KCNN2: variants seen among roughly 807,000 people sequenced by gnomAD.
KCNN2 encodes potassium calcium-activated channel subfamily N member 2.
Under a neutral mutation model 55.5 loss-of-function variants are expected in KCNN2, and 24 were observed. The observed-to-expected ratio is 0.43, with a 90% CI of 0.31 to 0.61. The LOEUF (loss-of-function observed/expected upper bound fraction) is 0.61, where lower values mean the gene tolerates loss of function less well. Ranked by LOEUF, KCNN2 falls within the 20% of genes least tolerant of loss-of-function variation. The pLI is 0.08. For synonymous variants in KCNN2, 431 were observed against 336.1 expected (o/e 1.28, Z -3.09); for missense variants, 754 against 853.6 (o/e 0.88, Z 1.45).
chr5:114,204,745 G>A (rs1435180338), intron 1 of KCNN2, among the ~76,000 whole-genome samples: 3 of 152,154 alleles, frequency 2.0e-5, no homozygotes, highest in East Asian at 3.9e-4. Context: ...AGCCCATGTG[G>A]CTTTGTGGAG....
At chr5:114,485,412 C>A (rs1580917899) in intron 5 of KCNN2, among the ~76,000 whole-genome samples, 1 of 152,274 alleles carries the variant, frequency 6.6e-6, no homozygotes, top group Middle Eastern at 3.4e-3. Flanking sequence ...ACTTCCCACT[C>A]CTCTCTCCTT....
Position 114,177,666 on chromosome 5 carries a change from T to C in KCNN2, c.-270-43814T>C, listed in dbSNP as rs186744462. ...TTAATAAATATATTAACAATAATAA[T>C]AATTACAGCATTTTTATAGAGTACT... On this transcript the variant is annotated intron_variant, in intron 1 of 10. Transcript: ENST00000512097. Among the ~76,000 whole-genome samples the C allele has an allele frequency of 4.4e-3, 668 of 151,918 alleles. 17 individuals carry two copies. The highest frequency in any genetic ancestry group is 0.03 in the Admixed American group (462 of 15,254).
intron 3 of KCNN2, among the ~76,000 whole-genome samples, chr5:114,427,022 A>G (rs1469016249): frequency 1.3e-5 from 2 of 152,198 alleles, no homozygotes; most frequent in Non-Finnish European, 2.9e-5. Flanking sequence ...GAACTTTTTA[A>G]TGATGCCATC....
intron 2 of KCNN2, among the ~76,000 whole-genome samples, chr5:114,379,320 CTG>C: frequency 6.6e-6 from 1 of 151,876 alleles, no homozygotes; most frequent in East Asian, 1.9e-4. Flanking sequence ...CCTTTGCTCT[CTG>C]CTGACATTCT....
intron 1 of KCNN2, among the ~76,000 whole-genome samples, chr5:114,095,651 T>G (rs1751240028): frequency 6.6e-6 from 1 of 152,216 alleles, no homozygotes. Context: ...CTTAATTTTC[T>G]TATTTGCATT....
intron 1 of KCNN2, among the ~76,000 whole-genome samples, chr5:114,156,464 G>T (rs577488471): frequency 1.4e-4 from 22 of 152,216 alleles, no homozygotes; most frequent in Non-Finnish European, 2.5e-4. Flanking sequence ...TCTATAAACT[G>T]CTTTGGGAAA....
intron 2 of KCNN2, among the ~76,000 whole-genome samples, chr5:114,379,395 A>C (rs1758033966): frequency 6.7e-6 from 1 of 149,944 alleles, no homozygotes. Flanking sequence ...AATCTCATTT[A>C]TGAATATACT....
At chr5:114,328,958 C>T (rs1282197158) in intron 2 of KCNN2, among the ~76,000 whole-genome samples, 1 of 152,152 alleles carries the variant, frequency 6.6e-6, no homozygotes, top group African/African-American at 2.4e-5. Context: ...TAATTATGTT[C>T]CCACATCCCT....
At chr5:114,328,596 G>A (rs1027258418) in intron 2 of KCNN2, among the ~76,000 whole-genome samples, 12 of 152,116 alleles carry the variant, frequency 7.9e-5, no homozygotes, top group African/African-American at 2.2e-4. Context: ...TTTGAGTGAC[G>A]GTTGTTTATA....
chr5:114,233,026 T>C (rs112900718), intron 2 of KCNN2, among the ~76,000 whole-genome samples: 4,955 of 131,438 alleles, frequency 0.038, 535 homozygotes, highest in African/African-American at 0.14. Context: ...GTTCACGCCA[T>C]TCTCCTGCCT....
chr5:114,286,351 C>G (rs1561555506), intron 2 of KCNN2, among the ~76,000 whole-genome samples: 1 of 151,996 alleles, frequency 6.6e-6, no homozygotes, highest in Non-Finnish European at 1.5e-5. Flanking sequence ...AAAGGATGCT[C>G]AACATGTTAG....
chr5:114,097,144 G>C (rs1444807635), intron 1 of KCNN2, among the ~76,000 whole-genome samples: 2 of 152,200 alleles, frequency 1.3e-5, no homozygotes, highest in Non-Finnish European at 2.9e-5. Context: ...AGATTTGATA[G>C]ACATTGTTCG....
intron 2 of KCNN2, 101 bp from the exon 3 acceptor site, chr5:114,404,337 T>C: frequency 3.3e-6 from 3 of 896,482 alleles, no homozygotes; most frequent in Non-Finnish European, 5.2e-6. Context: ...TAGCTTGCCA[T>C]GATTGCTAAA....
chr5:114,249,725 TA>T (rs1286061382), intron 2 of KCNN2, among the ~76,000 whole-genome samples: 3 of 128,754 alleles, frequency 2.3e-5, no homozygotes, highest in African/African-American at 9.2e-5. Flanking sequence ...AGTTCGGAAT[TA>T]AAAAAAAACC....
intron 2 of KCNN2, among the ~76,000 whole-genome samples, chr5:114,342,412 A>C (rs553714401): frequency 4.0e-4 from 61 of 152,230 alleles, no homozygotes; most frequent in Admixed American, 7.2e-4. Context: ...AATTATAAAA[A>C]TTCTCTAATG....
At chr5:114,247,479 G>T (rs1387889756) in intron 2 of KCNN2, among the ~76,000 whole-genome samples, 2 of 151,784 alleles carry the variant, frequency 1.3e-5, no homozygotes, top group African/African-American at 4.8e-5. Context: ...GCAAAGTGCT[G>T]AAAATGTGTC....
chr5:114,290,940 C>T (rs937877624), intron 2 of KCNN2, among the ~76,000 whole-genome samples: 3 of 151,984 alleles, frequency 2.0e-5, no homozygotes, highest in African/African-American at 7.2e-5. Flanking sequence ...AAGCTAGAAC[C>T]ATGTTTTATA....
At chr5:114,365,167 G>GAAAT (rs572553443) in intron 2 of KCNN2, among the ~76,000 whole-genome samples, 51 of 152,288 alleles carry the variant, frequency 3.3e-4, no homozygotes, top group Admixed American at 2.1e-3. Flanking sequence ...TGCAGAGGGA[G>GAAAT]AAATTACTTC....
At chr5:114,468,170 G>C (rs1761543651) in intron 4 of KCNN2, among the ~76,000 whole-genome samples, 1 of 152,090 alleles carries the variant, frequency 6.6e-6, no homozygotes. Flanking sequence ...GATAGAATTT[G>C]TCATCAAAAC....
Sources: gnomAD v4.1 joint callset for allele counts (sites outside exome capture counted in the v4.1 genomes callset) on GRCh38, gnomAD v4.1.1 for gene constraint, MANE v1.5 for transcripts, NCBI Gene and HGNC (gene_info 2026-07-23, HGNC 2026-07-21) for gene names.